The following KCNH8 variants were observed in gnomAD, a reference collection of about 807,000 sequenced individuals.
KCNH8 encodes voltage-gated delayed rectifier potassium channel KCNH8.
A neutral mutation model predicts 103.6 loss-of-function variants in KCNH8; 70 were observed. The ratio of observed to expected loss-of-function variants is 0.68; its 90% CI spans 0.56 to 0.82. The LOEUF (loss-of-function observed/expected upper bound fraction) is 0.82. Among genes scored for constraint, KCNH8 ranks in the 40% least tolerant of loss-of-function variants. The probability of loss-of-function intolerance (pLI) is 0.00; values close to 1 mark genes in which losing one functional copy is unlikely to be tolerated. For missense variants in KCNH8, 1,217 were observed against 1,329.9 expected, an observed-to-expected ratio of 0.92 and a Z score of 1.32; for synonymous variants, 498 against 489.4, an observed-to-expected ratio of 1.02 and a Z score of -0.23.
chr3:19,284,583 G>A (rs1400221538), intron 3 of KCNH8, among the ~76,000 whole-genome samples: 1 of 150,790 alleles, frequency 6.6e-6, no homozygotes, highest in Non-Finnish European at 1.5e-5. Flanking sequence ...GAGAGAGACA[G>A]CCTTCAGCAG....
At chr3:19,449,442 C>G (rs890156592) in intron 8 of KCNH8, among the ~76,000 whole-genome samples, 6 of 151,854 alleles carry the variant, frequency 4.0e-5, no homozygotes, top group African/African-American at 1.2e-4. Context: ...ATTAAAATAA[C>G]TGCAGAGCTG....
At chr3:19,484,790 C>G (rs1429584354) in intron 11 of KCNH8, among the ~76,000 whole-genome samples, 1 of 152,030 alleles carries the variant, frequency 6.6e-6, no homozygotes, top group Admixed American at 6.6e-5. Flanking sequence ...TCTTATTTAC[C>G]TAAGTTGAGA....
At chr3:19,342,834 TG>T (rs2065679927) in intron 4 of KCNH8, 120 bp downstream of exon 4, 1 of 949,892 alleles carries the variant, frequency 1.1e-6, no homozygotes, top group African/African-American at 1.7e-5. Context: ...TTTTCCACTT[TG>T]GTTTGTGCTT....
At chr3:19,208,615 C>G (rs142746445) in intron 1 of KCNH8, among the ~76,000 whole-genome samples, 5 of 152,016 alleles carry the variant, frequency 3.3e-5, no homozygotes, top group African/African-American at 9.6e-5. Flanking sequence ...TCAGATATTT[C>G]CAAGCCCATT....
intron 1 of KCNH8, among the ~76,000 whole-genome samples, chr3:19,194,444 T>C (rs2063581514): frequency 6.6e-6 from 1 of 151,860 alleles, no homozygotes; most frequent in African/African-American, 2.4e-5. Flanking sequence ...ACCCACACTA[T>C]CTTACTTCTG....
At chr3:19,433,369 A>G (rs1575062175) in intron 7 of KCNH8, among the ~76,000 whole-genome samples, 1 of 152,328 alleles carries the variant, frequency 6.6e-6, no homozygotes, top group East Asian at 1.9e-4. Context: ...AAGAATTAAA[A>G]CAAATGAAAG....
intron 15 of KCNH8, among the ~76,000 whole-genome samples, 169 bp from the exon 16 acceptor site, chr3:19,533,223 AAAG>A (rs993467481): frequency 1.7e-4 from 25 of 151,014 alleles, no homozygotes; most frequent in Non-Finnish European, 3.4e-4. Flanking sequence ...AAAAAAGGAA[AAAG>A]AAAAAAAAAA....
intron 15 of KCNH8, among the ~76,000 whole-genome samples, chr3:19,523,330 A>AAGTT (rs1349139855): frequency 6.6e-6 from 1 of 151,966 alleles, no homozygotes; most frequent in Non-Finnish European, 1.5e-5. Flanking sequence ...TATGACCTAA[A>AAGTT]AGTTAGATTT....
intron 7 of KCNH8, among the ~76,000 whole-genome samples, chr3:19,401,368 C>G (rs1005409381): frequency 2.6e-5 from 4 of 152,024 alleles, no homozygotes; most frequent in Non-Finnish European, 5.9e-5. Context: ...CAATCCCCAA[C>G]ACATCTGCAA....
chr3:19,359,863 T>C (rs532137749), intron 5 of KCNH8, among the ~76,000 whole-genome samples: 80 of 152,166 alleles, frequency 5.3e-4, no homozygotes, highest in African/African-American at 1.8e-3. Flanking sequence ...TTAAATAAGA[T>C]ATTGCTGAGC....
At chr3:19,274,385 G>A (rs2064632782) in intron 2 of KCNH8, among the ~76,000 whole-genome samples, 1 of 152,064 alleles carries the variant, frequency 6.6e-6, no homozygotes, top group Admixed American at 6.6e-5. Context: ...TGTTTTCAGG[G>A]CCTCTTTATC....
chr3:19,215,294 G>A (rs746736818), intron 1 of KCNH8, among the ~76,000 whole-genome samples: 6 of 152,140 alleles, frequency 3.9e-5, no homozygotes, highest in Non-Finnish European at 5.9e-5. Context: ...CTATGAGTGG[G>A]GGCCATAACA....
chr3:19,524,444 T>C (rs1456476395), intron 15 of KCNH8, among the ~76,000 whole-genome samples: 1 of 151,956 alleles, frequency 6.6e-6, no homozygotes, highest in Non-Finnish European at 1.5e-5. Context: ...GCTTTTAACC[T>C]GGAATGTTTC....
chr3:19,322,412 CTG>C (rs1046177518), intron 3 of KCNH8, among the ~76,000 whole-genome samples: 1 of 152,068 alleles, frequency 6.6e-6, no homozygotes, highest in African/African-American at 2.4e-5. Flanking sequence ...CATCTTTTGT[CTG>C]TGTCTGGAAA....
At chr3:19,435,655 C>G (rs948942668) in intron 7 of KCNH8, among the ~76,000 whole-genome samples, 9 of 152,158 alleles carry the variant, frequency 5.9e-5, no homozygotes, top group Admixed American at 5.9e-4. Context: ...CTGATTATTT[C>G]TACCCTTTCT....
intron 3 of KCNH8, among the ~76,000 whole-genome samples, chr3:19,331,919 A>T (rs1044375452): frequency 2.0e-4 from 30 of 152,178 alleles, no homozygotes. Context: ...ACAATGAAAT[A>T]CCCAGTCTCT....
At chr3:19,203,940 A>G (rs764629260) in intron 1 of KCNH8, among the ~76,000 whole-genome samples, 1 of 152,128 alleles carries the variant, frequency 6.6e-6, no homozygotes, top group Non-Finnish European at 1.5e-5. Context: ...TTAATGTACT[A>G]TGTAAAATAA....
At chr3:19,482,245 G>A (rs1459439570) in intron 11 of KCNH8, among the ~76,000 whole-genome samples, 1 of 152,226 alleles carries the variant, frequency 6.6e-6, no homozygotes, top group Non-Finnish European at 1.5e-5. Flanking sequence ...TCAGGGGTCA[G>A]TCTTTAACTA....
chr3:19,466,734 G>C (rs1418918615), intron 11 of KCNH8, among the ~76,000 whole-genome samples: 1 of 123,606 alleles, frequency 8.1e-6, no homozygotes. Context: ...CACGATCTCA[G>C]CTTACTGAGA....
Sources: gnomAD v4.1 joint callset for allele counts (sites outside exome capture counted in the v4.1 genomes callset) on GRCh38, gnomAD v4.1.1 for gene constraint, MANE v1.5 for transcripts, NCBI Gene and HGNC (gene_info 2026-07-23, HGNC 2026-07-21) for gene names.